Variants in SLC2A13 observed in about 807,000 individuals in gnomAD.
SLC2A13 encodes the protein proton myo-inositol cotransporter.
SLC2A13 carries 32 observed loss-of-function variants against 64.4 expected under a neutral mutation model. That is an observed-to-expected ratio of 0.50 (90% CI 0.37 to 0.67). SLC2A13 has a LOEUF of 0.67. Ranked by LOEUF, SLC2A13 falls within the 30% of genes least tolerant of loss-of-function variation. SLC2A13 has a pLI of 0.00. For missense variants in SLC2A13, 743 were observed against 829.2 expected, an observed-to-expected ratio of 0.90 and a Z score of 1.28; for synonymous variants, 338 against 327.1, an observed-to-expected ratio of 1.03 and a Z score of -0.36.
chr12:40,090,090 C>G (rs542853464), intron 1 of SLC2A13, among the ~76,000 whole-genome samples: 1 of 152,146 alleles, frequency 6.6e-6, no homozygotes, highest in South Asian at 2.1e-4. Context: ...CAAATATATT[C>G]AATGAAAGAG....
At chr12:40,051,078 T>A (rs898901621) in intron 1 of SLC2A13, among the ~76,000 whole-genome samples, 1 of 152,042 alleles carries the variant, frequency 6.6e-6, no homozygotes, top group Non-Finnish European at 1.5e-5. Flanking sequence ...TACAAACAAA[T>A]AAAATAGGGT....
At chr12:39,816,701 A>G (rs1942351706) in intron 7 of SLC2A13, among the ~76,000 whole-genome samples, 1 of 152,090 alleles carries the variant, frequency 6.6e-6, no homozygotes, top group African/African-American at 2.4e-5. Context: ...ATAAAACACT[A>G]GGATGAAAAA....
chr12:39,893,943 G>A (rs576061537), intron 4 of SLC2A13, among the ~76,000 whole-genome samples: 103 of 152,182 alleles, frequency 6.8e-4, no homozygotes, highest in African/African-American at 2.2e-3. Flanking sequence ...CACAATTAAC[G>A]TGTTAGTAGG....
Position 39,775,569 on chromosome 12 carries a change from A to G in SLC2A13, c.1446-10711T>C, listed in dbSNP as rs114002936. Among the ~76,000 whole-genome samples the G allele has an allele frequency of 3.1e-3, 474 of 152,364 alleles. 6 individuals are homozygous for G. Among genetic ancestry groups the G allele is most frequent in the African/African-American group, 0.011 (464 of 41,588 alleles). On this transcript the variant is annotated intron_variant, in intron 7 of 9. Coordinates refer to ENST00000280871, the MANE Select transcript of SLC2A13 (RefSeq NM_052885.4). ...ATTAATTCATAAGAAAATACTTTGA[A>G]GTTCTTTCTCTTATTCCATTATCAC... is the stretch of plus-strand genomic sequence containing the variant.
chr12:39,825,722 T>C (rs1004561550), intron 7 of SLC2A13, among the ~76,000 whole-genome samples: 6 of 152,102 alleles, frequency 3.9e-5, no homozygotes, highest in Non-Finnish European at 8.8e-5. Flanking sequence ...TTGATTAGTA[T>C]TGCAAGAGGT....
chr12:39,858,338 T>C (rs376205283), intron 6 of SLC2A13, among the ~76,000 whole-genome samples: 1 of 152,200 alleles, frequency 6.6e-6, no homozygotes, highest in African/African-American at 2.4e-5. Context: ...TAGTAACACA[T>C]ACAACATTGT....
intron 4 of SLC2A13, among the ~76,000 whole-genome samples, chr12:39,903,805 A>C (rs1339689469): frequency 1.3e-5 from 2 of 152,086 alleles, no homozygotes; most frequent in African/African-American, 4.8e-5. Context: ...CATTTAGCTT[A>C]AGTTTTCTAT....
chr12:39,912,951 A>G (rs1416298055), intron 4 of SLC2A13, among the ~76,000 whole-genome samples: 1 of 152,146 alleles, frequency 6.6e-6, no homozygotes, highest in Non-Finnish European at 1.5e-5. Flanking sequence ...CGTAGGAAGA[A>G]GTACTAGTGG....
At chr12:40,091,612 C>T (rs141291474) in intron 1 of SLC2A13, among the ~76,000 whole-genome samples, 16 of 152,132 alleles carry the variant, frequency 1.1e-4, no homozygotes, top group East Asian at 9.6e-4. Flanking sequence ...TTATGAACTA[C>T]GAAAATTTCA....
Position 39,760,953 on chromosome 12 carries a change from A to AACAC in SLC2A13, c.1721-705_1721-702dup, listed in dbSNP as rs71449492. On this transcript the variant is annotated intron_variant, in intron 9 of 9. Coordinates refer to ENST00000280871, the MANE Select transcript of SLC2A13 (RefSeq NM_052885.4). The stretch of plus-strand genomic sequence containing the variant: ...AACATGGTGAAACCTGTCTCTACCA[A>AACAC]ACACACACACACACACACACATAAT... Among the ~76,000 whole-genome samples, 4 of 101,512 alleles carry AACAC rather than the reference A, an allele frequency of 3.9e-5. No homozygotes were observed. In the South Asian group the frequency reaches 1.2e-3, roughly 30 times the overall value. 66.6% of individuals were successfully genotyped at this position (101,512 alleles called of 152,430 possible). A position where few individuals can be genotyped will look rare whatever the true frequency, so the allele number is the denominator to read the frequency against.
At chr12:39,836,399 T>C (rs1485543720) in intron 6 of SLC2A13, among the ~76,000 whole-genome samples, 1 of 152,168 alleles carries the variant, frequency 6.6e-6, no homozygotes. Flanking sequence ...ATCTCTAGCC[T>C]TTCTTTTCAG....
At chr12:39,894,860 G>T (rs532710388) in intron 4 of SLC2A13, among the ~76,000 whole-genome samples, 11 of 152,188 alleles carry the variant, frequency 7.2e-5, no homozygotes, top group African/African-American at 2.6e-4. Context: ...AGAAAAAAGG[G>T]AGAAAAGAAA....
intron 4 of SLC2A13, among the ~76,000 whole-genome samples, chr12:39,941,656 T>C (rs1565553102): frequency 6.6e-6 from 1 of 152,234 alleles, no homozygotes; most frequent in Non-Finnish European, 1.5e-5. Context: ...CATTGTGGAT[T>C]CTGGATATTA....
intron 7 of SLC2A13, among the ~76,000 whole-genome samples, chr12:39,766,284 G>C (rs1268167515): frequency 6.6e-6 from 1 of 152,112 alleles, no homozygotes; most frequent in African/African-American, 2.4e-5. Flanking sequence ...CTGCAATAAA[G>C]TGGGTCACAC....
intron 1 of SLC2A13, among the ~76,000 whole-genome samples, chr12:40,076,605 G>A (rs1042693490): frequency 3.3e-5 from 5 of 152,100 alleles, no homozygotes; most frequent in African/African-American, 1.2e-4. Context: ...ACAGTGCTGT[G>A]ATGAACATAT....
At position 39,986,880 on chromosome 12, in the gene SLC2A13, T is replaced by C. The variant is rs530940065; in HGVS notation, c.926-35515A>G. 6.3e-4 allele frequency among the ~76,000 whole-genome samples: 96 copies of C among 152,222 alleles called. 1 individual carries two copies. Among genetic ancestry groups the C allele is most frequent in the African/African-American group, 2.2e-3 (92 of 41,530 alleles). On this transcript the variant is annotated intron_variant, in intron 3 of 9. Coordinates refer to ENST00000280871, the MANE Select transcript of SLC2A13 (RefSeq NM_052885.4). ...AGCCTGGTCTTGGTTAAAGCTGCCA[T>C]TTGTGCCTAGATTATGACTGTGTAC... is the stretch of plus-strand genomic sequence containing the variant.
intron 7 of SLC2A13, among the ~76,000 whole-genome samples, chr12:39,785,695 G>A (rs1345608068): frequency 6.6e-6 from 1 of 152,166 alleles, no homozygotes; most frequent in African/African-American, 2.4e-5. Flanking sequence ...AAAGCAGCCA[G>A]GAGGGAGGCT....
chr12:39,913,732 TACTA>T (rs146336726), intron 4 of SLC2A13, among the ~76,000 whole-genome samples: 1,692 of 152,060 alleles, frequency 0.011, 52 homozygotes, highest in African/African-American at 0.037. Flanking sequence ...GATATGTAAC[TACTA>T]ACTGACAGAA....
At chr12:39,885,046 T>C (rs1944435818) in intron 4 of SLC2A13, among the ~76,000 whole-genome samples, 1 of 152,218 alleles carries the variant, frequency 6.6e-6, no homozygotes, top group Non-Finnish European at 1.5e-5. Context: ...GATTTTGACT[T>C]TCTAGATGAC....
Sources: allele counts gnomAD v4.1 joint callset (sites outside exome capture counted in the v4.1 genomes callset), GRCh38; gene constraint gnomAD v4.1.1; transcripts MANE v1.5; gene names NCBI Gene and HGNC (gene_info 2026-07-23, HGNC 2026-07-21).